The following ANKRD45 variants were observed in gnomAD, a reference collection of about 807,000 sequenced individuals.
The protein encoded by ANKRD45 is ankyrin repeat domain 45.
In ANKRD45, 21 loss-of-function variants were observed where a neutral mutation model predicts 28.1. The observed-to-expected ratio is 0.75, with a 90% CI of 0.53 to 1.08. The LOEUF is 1.08. ANKRD45 is among the 50% of genes least tolerant of loss of function. ANKRD45 has a pLI of 0.00. For synonymous variants in ANKRD45, 86 were observed against 103.9 expected, an observed-to-expected ratio of 0.83 and a Z score of 1.05; for missense variants, 261 against 308.7, an observed-to-expected ratio of 0.85 and a Z score of 1.16.
At chr1:173,612,151 G>A (rs1013184645) in intron 5 of ANKRD45, among the ~76,000 whole-genome samples, 1 of 152,094 alleles carries the variant, frequency 6.6e-6, no homozygotes, top group African/African-American at 2.4e-5. Context: ...GGCTGAGGTG[G>A]GAGGATTGCT....
chr1:173,681,634 G>A, the ANKRD45 span, among the ~76,000 whole-genome samples: 2 of 151,988 alleles, frequency 1.3e-5, no homozygotes, highest in African/African-American at 2.4e-5. Context: ...CACAATCCTA[G>A]GCAGTTGTCA....
chr1:173,653,411 A>C (rs895285846), intron 2 of ANKRD45, among the ~76,000 whole-genome samples: 3 of 152,132 alleles, frequency 2.0e-5, no homozygotes, highest in Admixed American at 2.0e-4. Flanking sequence ...TGTGGTTTTG[A>C]GTGACTTTCT....
In ANKRD45 at chr1:173,650,331, C is replaced by T. The variant is rs537481322; in HGVS notation, c.329-3318G>A. Among the ~76,000 whole-genome samples the T allele has an allele frequency of 3.3e-5, 5 of 152,236 alleles. No homozygotes were observed. The South Asian group carries it at 1.0e-3, about 32-fold the overall frequency. The stretch of plus-strand genomic sequence containing the variant: ...CCAAGCGTTCTCATTGTTCAATTCC[C>T]ACATATGAGTGAGAACACGGTTTGG... On this transcript the variant is annotated intron_variant, in intron 2 of 5. Transcript: ENST00000333279.
At chr1:173,707,007 C>T in the ANKRD45 span, among the ~76,000 whole-genome samples, 2 of 152,050 alleles carry the variant, frequency 1.3e-5, no homozygotes, top group Non-Finnish European at 2.9e-5. Context: ...TCAAAATAGA[C>T]ACAATTTGCA....
At chr1:173,697,720 G>C in the ANKRD45 span, among the ~76,000 whole-genome samples, 2 of 152,044 alleles carry the variant, frequency 1.3e-5, no homozygotes, top group East Asian at 3.9e-4. Flanking sequence ...TACGCAAAAT[G>C]GTAAAGACCA....
chr1:173,610,964 CTT>C (rs1667119428), intron 5 of ANKRD45, among the ~76,000 whole-genome samples: 1 of 152,166 alleles, frequency 6.6e-6, no homozygotes, highest in African/African-American at 2.4e-5. Flanking sequence ...CTTAATCTCT[CTT>C]CTCTCCCACC....
At chr1:173,694,065 T>C in the ANKRD45 span, among the ~76,000 whole-genome samples, 11 of 152,184 alleles carry the variant, frequency 7.2e-5, no homozygotes, top group Non-Finnish European at 1.2e-4. Flanking sequence ...CCCAGGGAAA[T>C]AGCACTGTCT....
At chr1:173,680,990 G>A in the ANKRD45 span, among the ~76,000 whole-genome samples, 4 of 150,966 alleles carry the variant, frequency 2.6e-5, no homozygotes, top group Admixed American at 2.6e-4. Context: ...CGGGGTGGGG[G>A]AGATAGGGAA....
chr1:173,610,825 A>T lies in ANKRD45; in HGVS notation c.731-610T>A, dbSNP rs532382525. On this transcript the variant is annotated intron_variant, in intron 5 of 5. Transcript: ENST00000333279. ...AATTGTAATTGAAAAACAAATTAAG[A>T]TATCACAAAATCTTAAAAAATAAAA... Among the ~76,000 whole-genome samples, 5 of 152,252 alleles carry T rather than the reference A, an allele frequency of 3.3e-5. No homozygotes were observed. The South Asian group carries it at 1.0e-3, about 32-fold the overall frequency.
chr1:173,630,818 T>TA (rs60007196), intron 3 of ANKRD45, among the ~76,000 whole-genome samples: 1,011 of 29,066 alleles, frequency 0.035, 108 homozygotes, highest in East Asian at 0.09. Flanking sequence ...AGACTCTGTC[T>TA]AAAAAAAAAA....
intron 1 of ANKRD45, 62 bp downstream of exon 1, chr1:173,669,755 C>T: frequency 4.1e-6 from 1 of 243,800 alleles, no homozygotes; most frequent in Non-Finnish European, 9.0e-6. Context: ...TGTCCGTCTA[C>T]CCCATCGCAC....
chr1:173,681,535 G>A, the ANKRD45 span, among the ~76,000 whole-genome samples: 4 of 152,034 alleles, frequency 2.6e-5, no homozygotes, highest in South Asian at 2.1e-4. Flanking sequence ...ATACATAGAC[G>A]TATTAGGCAT....
At chr1:173,617,695 C>T (rs566398132) in intron 5 of ANKRD45, among the ~76,000 whole-genome samples, 9 of 152,342 alleles carry the variant, frequency 5.9e-5, no homozygotes, top group South Asian at 2.1e-4. Flanking sequence ...AACAGCCTTT[C>T]GGCCTGCTGG....
chr1:173,612,256 A>C (rs910315114), intron 5 of ANKRD45, among the ~76,000 whole-genome samples: 1 of 149,560 alleles, frequency 6.7e-6, no homozygotes, highest in African/African-American at 2.5e-5. Context: ...AAATGAAAGA[A>C]AGAAAAGAAA....
chr1:173,614,486 G>A (rs943728685), intron 5 of ANKRD45, among the ~76,000 whole-genome samples: 2 of 151,880 alleles, frequency 1.3e-5, no homozygotes, highest in African/African-American at 2.4e-5. Context: ...TCAGTAAAGT[G>A]GAATTCTTAC....
At chr1:173,678,496 T>C in the ANKRD45 span, among the ~76,000 whole-genome samples, 1 of 152,162 alleles carries the variant, frequency 6.6e-6, no homozygotes, top group Admixed American at 6.5e-5. Context: ...AAAAATGGCA[T>C]GCAACAAAAT....
At chr1:173,675,568 C>T in the ANKRD45 span, 17 of 152,822 alleles carry the variant, frequency 1.1e-4, no homozygotes, top group African/African-American at 3.9e-4. Flanking sequence ...GAGCCAAGAT[C>T]ATGTGACTAC....
chr1:173,675,793 G>T, the ANKRD45 span, among the ~76,000 whole-genome samples: 3 of 152,082 alleles, frequency 2.0e-5, no homozygotes, highest in Non-Finnish European at 4.4e-5. Flanking sequence ...AGACTGATTT[G>T]CTTTATTACA....
At chr1:173,700,056 G>C in the ANKRD45 span, among the ~76,000 whole-genome samples, 6 of 152,140 alleles carry the variant, frequency 3.9e-5, no homozygotes, top group African/African-American at 1.4e-4. Context: ...AATCACGTGT[G>C]ACTTCCCATT....
Sources: allele counts gnomAD v4.1 joint callset (sites outside exome capture counted in the v4.1 genomes callset), GRCh38; gene constraint gnomAD v4.1.1; transcripts MANE v1.5; gene names NCBI Gene and HGNC (gene_info 2026-07-23, HGNC 2026-07-21).